Variants in TUSC3 observed in about 807,000 individuals in gnomAD.
TUSC3 encodes the protein tumor suppressor candidate 3, also known as dolichyl-diphosphooligosaccharide--protein glycosyltransferase subunit TUSC3.
Under a neutral mutation model 44.8 loss-of-function variants are expected in TUSC3, and 45 were observed. The observed-to-expected ratio is 1.00, with a 90% CI of 0.79 to 1.29. The LOEUF is 1.29. Ranked by LOEUF, TUSC3 falls within the 50% of genes most tolerant of loss-of-function variation. The probability of loss-of-function intolerance (pLI) is 0.00; values close to 1 mark genes in which losing one functional copy is unlikely to be tolerated. For synonymous variants in TUSC3, 212 were observed against 152.9 expected, an observed-to-expected ratio of 1.39 and a Z score of -2.85; for missense variants, 519 against 437.9, an observed-to-expected ratio of 1.19 and a Z score of -1.65.
At chr8:15,796,550 A>T in the TUSC3 span, among the ~76,000 whole-genome samples, 1 of 152,198 alleles carries the variant, frequency 6.6e-6, no homozygotes, top group Non-Finnish European at 1.5e-5. Flanking sequence ...TGCCACTGAG[A>T]TTCAACAGCC....
chr8:15,802,348 T>G, the TUSC3 span, among the ~76,000 whole-genome samples: 1 of 152,156 alleles, frequency 6.6e-6, no homozygotes, highest in African/African-American at 2.4e-5. Context: ...CTTAAGTAAA[T>G]TACACTGAGA....
chr8:15,715,204 G>C (rs946909160), intron 6 of TUSC3, among the ~76,000 whole-genome samples: 7 of 151,920 alleles, frequency 4.6e-5, no homozygotes, highest in Non-Finnish European at 1.0e-4. Context: ...TATATATATT[G>C]TGTTTTTTCC....
the TUSC3 span, among the ~76,000 whole-genome samples, chr8:15,792,367 G>C: frequency 6.6e-6 from 1 of 152,118 alleles, no homozygotes; most frequent in Non-Finnish European, 1.5e-5. Flanking sequence ...ATGTTACTGA[G>C]TGGCCACTTT....
At chr8:15,607,518 A>G (rs73665454) in intron 1 of TUSC3, among the ~76,000 whole-genome samples, 4,878 of 152,254 alleles carry the variant, frequency 0.032, 101 homozygotes, top group African/African-American at 0.061. Context: ...CCTACAAACA[A>G]TTGTCATTAA....
chr8:15,432,075 T>C (rs1471914626), intron 1 of TUSC3, among the ~76,000 whole-genome samples: 2 of 152,062 alleles, frequency 1.3e-5, no homozygotes, highest in South Asian at 2.1e-4. Flanking sequence ...CTTGTAATTT[T>C]CTTACATTGT....
At chr8:15,594,804 A>T (rs535287359) in intron 1 of TUSC3, among the ~76,000 whole-genome samples, 14 of 152,312 alleles carry the variant, frequency 9.2e-5, no homozygotes, top group African/African-American at 3.4e-4. Flanking sequence ...TTTATGCAAC[A>T]AGTTACATAA....
In TUSC3 at chr8:15,637,152, C is replaced by G. The variant is rs556745140; in HGVS notation, c.309-13545C>G. On this transcript the variant is annotated intron_variant, in intron 2 of 10. Transcript: ENST00000503731. ...TATATCGTAGTTTAAAATACCAGTT[C>G]TATTTCATTGTTTTGTTTTTCTACT... 2.3e-4 allele frequency among the ~76,000 whole-genome samples: 35 copies of G among 152,218 alleles called. 1 individual carries two copies. Among genetic ancestry groups the G allele is most frequent in the Non-Finnish European group, 4.4e-4 (30 of 68,008 alleles).
chr8:15,697,672 A>G (rs548213892), intron 6 of TUSC3, among the ~76,000 whole-genome samples: 1 of 152,282 alleles, frequency 6.6e-6, no homozygotes, highest in South Asian at 2.1e-4. Flanking sequence ...ACCAGACCTA[A>G]TGGGTTATGT....
intron 1 of TUSC3, among the ~76,000 whole-genome samples, chr8:15,561,180 T>C (rs1802445000): frequency 8.4e-6 from 1 of 118,866 alleles, no homozygotes; most frequent in Non-Finnish European, 1.8e-5. Flanking sequence ...AGATGGGTTT[T>C]TGGTGTGGAT....
At chr8:15,738,238 T>C (rs1811019205) in intron 7 of TUSC3, among the ~76,000 whole-genome samples, 1 of 152,224 alleles carries the variant, frequency 6.6e-6, no homozygotes, top group African/African-American at 2.4e-5. Flanking sequence ...AACCTATGTC[T>C]AGTAATCCCT....
intron 6 of TUSC3, among the ~76,000 whole-genome samples, chr8:15,691,765 C>A (rs747737077): frequency 6.8e-6 from 1 of 147,946 alleles, no homozygotes; most frequent in Non-Finnish European, 1.5e-5. Context: ...TGAAGATGAT[C>A]AGGTGGTTTT....
chr8:15,839,086 T>G, the TUSC3 span, among the ~76,000 whole-genome samples: 2 of 152,266 alleles, frequency 1.3e-5, no homozygotes, highest in Admixed American at 1.3e-4. Flanking sequence ...CCCTTGTAAG[T>G]TGGATTCCTA....
chr8:15,693,428 T>TTGG (rs1809009503), intron 6 of TUSC3, among the ~76,000 whole-genome samples: 1 of 147,202 alleles, frequency 6.8e-6, no homozygotes, highest in Non-Finnish European at 1.5e-5. Context: ...TATAAAACTC[T>TTGG]TGGTTGGAAG....
chr8:15,438,953 A>G (rs73189493), intron 1 of TUSC3, among the ~76,000 whole-genome samples: 24,702 of 152,164 alleles, frequency 0.16, 2,082 homozygotes, highest in Middle Eastern at 0.22. Flanking sequence ...GGAATCTACA[A>G]AACACAGTGC....
chr8:15,739,513 A>G (rs1811096119), intron 7 of TUSC3, among the ~76,000 whole-genome samples: 1 of 152,168 alleles, frequency 6.6e-6, no homozygotes, highest in South Asian at 2.1e-4. Flanking sequence ...GAAAAATGCT[A>G]TATTGTTACT....
At chr8:15,511,712 A>T (rs1313340026) in intron 2 of TUSC3, among the ~76,000 whole-genome samples, 1 of 152,154 alleles carries the variant, frequency 6.6e-6, no homozygotes, top group Admixed American at 6.5e-5. Flanking sequence ...TCTTCTAAAA[A>T]TAAAAGAATT....
intron 6 of TUSC3, among the ~76,000 whole-genome samples, chr8:15,683,624 T>A (rs1563170786): frequency 6.6e-6 from 1 of 152,170 alleles, no homozygotes; most frequent in East Asian, 1.9e-4. Context: ...GTTCTGAATT[T>A]ATATCTTTAA....
chr8:15,649,631 T>C (rs1415296636), intron 2 of TUSC3, among the ~76,000 whole-genome samples: 1 of 151,998 alleles, frequency 6.6e-6, no homozygotes, highest in Non-Finnish European at 1.5e-5. Context: ...TGTTTTTAGC[T>C]TCATGTTTTT....
At chr8:15,829,823 G>C in the TUSC3 span, among the ~76,000 whole-genome samples, 1 of 152,012 alleles carries the variant, frequency 6.6e-6, no homozygotes, top group African/African-American at 2.4e-5. Context: ...CCAGTAGTGG[G>C]GAGGCTGGGT....
Sources: gnomAD v4.1 joint callset for allele counts (sites outside exome capture counted in the v4.1 genomes callset) on GRCh38, gnomAD v4.1.1 for gene constraint, MANE v1.5 for transcripts, NCBI Gene and HGNC (gene_info 2026-07-23, HGNC 2026-07-21) for gene names.